Variants in TIMD4 observed in about 807,000 individuals in gnomAD.
TIMD4 encodes the protein T cell immunoglobulin and mucin domain containing 4.
In TIMD4, 31 loss-of-function variants were observed where a neutral mutation model predicts 41.2. The observed-to-expected ratio is 0.75, with a 90% CI of 0.57 to 1.01. TIMD4 has a LOEUF of 1.01. Ranked by LOEUF, TIMD4 falls within the 50% of genes least tolerant of loss-of-function variation. The probability of loss-of-function intolerance (pLI) is 0.00; values close to 1 mark genes in which losing one functional copy is unlikely to be tolerated. For synonymous variants in TIMD4, 204 were observed against 177.1 expected, an observed-to-expected ratio of 1.15 and a Z score of -1.21; for missense variants, 479 against 472.5, an observed-to-expected ratio of 1.01 and a Z score of -0.13.
At chr5:156,923,097 T>C (rs958969575) in intron 6 of TIMD4, among the ~76,000 whole-genome samples, 3 of 151,916 alleles carry the variant, frequency 2.0e-5, no homozygotes, top group African/African-American at 7.3e-5. Flanking sequence ...GGTGTCTCGC[T>C]ATGTTGCCCA....
chr5:156,951,941 C>A (rs1048839672), intron 2 of TIMD4, 151 bp from the exon 3 acceptor site: 1 of 1,036,682 alleles, frequency 9.6e-7, no homozygotes, highest in Non-Finnish European at 1.4e-6. Flanking sequence ...GTGTTTCCTG[C>A]CCCCACCCTG....
At chr5:156,950,297 T>C (rs1293486595) in intron 3 of TIMD4, among the ~76,000 whole-genome samples, 1 of 152,200 alleles carries the variant, frequency 6.6e-6, no homozygotes, top group Non-Finnish European at 1.5e-5. Flanking sequence ...TGCTTCTTTA[T>C]ATATTTCAAG....
intron 7 of TIMD4, 97 bp downstream of exon 7, chr5:156,922,002 G>C (rs1455144455): frequency 1.1e-6 from 1 of 890,370 alleles, no homozygotes; most frequent in Admixed American, 2.8e-5. Context: ...GAGCCTCTTT[G>C]GGGAGGGATA....
chr5:156,962,725 G>A (rs182709677), intron 1 of TIMD4, among the ~76,000 whole-genome samples: 53 of 152,086 alleles, frequency 3.5e-4, no homozygotes, highest in Admixed American at 1.0e-3. Context: ...CCTCACCCCA[G>A]CAAAACAAAA....
At chr5:156,935,948 T>A (rs1004230247) in intron 5 of TIMD4, among the ~76,000 whole-genome samples, 2 of 152,150 alleles carry the variant, frequency 1.3e-5, no homozygotes, top group Non-Finnish European at 1.5e-5. Context: ...GATCAATAAA[T>A]CTTCAATGAG....
At chr5:156,939,766 T>C (rs1759605564) in intron 5 of TIMD4, among the ~76,000 whole-genome samples, 1 of 152,234 alleles carries the variant, frequency 6.6e-6, no homozygotes, top group East Asian at 1.9e-4. Flanking sequence ...GCTAAATGGC[T>C]GTTACTCCGT....
At chr5:156,931,461 A>G (rs369940221) in intron 5 of TIMD4, among the ~76,000 whole-genome samples, 2 of 152,226 alleles carry the variant, frequency 1.3e-5, no homozygotes, top group African/African-American at 4.8e-5. Flanking sequence ...ATGTATCTTA[A>G]ATTAATTAAA....
At chr5:156,944,743 G>C (rs1345077892) in intron 5 of TIMD4, among the ~76,000 whole-genome samples, 1 of 152,034 alleles carries the variant, frequency 6.6e-6, no homozygotes, top group Non-Finnish European at 1.5e-5. Flanking sequence ...CTGATTTCGT[G>C]ATCCGCCCAC....
At chr5:156,921,996 C>T (rs1345708337) in intron 7 of TIMD4, 103 bp downstream of exon 7, 5 of 833,858 alleles carry the variant, frequency 6.0e-6, no homozygotes, top group African/African-American at 5.2e-5. Flanking sequence ...AGAACTGAGC[C>T]TCTTTGGGGA....
chr5:156,925,009 A>G (rs1041671745), intron 6 of TIMD4, among the ~76,000 whole-genome samples: 2 of 150,884 alleles, frequency 1.3e-5, no homozygotes, highest in Non-Finnish European at 2.9e-5. Flanking sequence ...AGAAAAAGAG[A>G]GAGAGAGAGA....
intron 1 of TIMD4, 73 bp downstream of exon 1, chr5:156,963,068 C>T (rs1753102907): frequency 1.4e-6 from 2 of 1,473,618 alleles, no homozygotes; most frequent in Non-Finnish European, 1.9e-6. Context: ...AGGCCCAAAC[C>T]AGTGCATGGA....
intron 5 of TIMD4, among the ~76,000 whole-genome samples, chr5:156,932,292 C>T (rs2113353299): frequency 6.6e-6 from 1 of 152,306 alleles, no homozygotes; most frequent in South Asian, 2.1e-4. Flanking sequence ...CTCCACGATG[C>T]TTGAGGCAAG....
intron 1 of TIMD4, among the ~76,000 whole-genome samples, chr5:156,956,764 T>C (rs1034359412): frequency 2.6e-5 from 4 of 152,244 alleles, no homozygotes; most frequent in Non-Finnish European, 5.9e-5. Flanking sequence ...TCTCAGATTG[T>C]TGAGACCACA....
intron 5 of TIMD4, among the ~76,000 whole-genome samples, chr5:156,932,259 TATC>T: frequency 6.6e-6 from 1 of 152,350 alleles, no homozygotes; most frequent in East Asian, 1.9e-4. Context: ...ATATTATTTG[TATC>T]ATGTGTTCAT....
intron 5 of TIMD4, among the ~76,000 whole-genome samples, chr5:156,945,772 C>T (rs1157202179): frequency 6.6e-6 from 1 of 151,820 alleles, no homozygotes. Flanking sequence ...TAAAATGATA[C>T]CTAAAGAGTG....
chr5:156,962,330 G>C (rs1394617056), intron 1 of TIMD4, among the ~76,000 whole-genome samples: 5 of 151,648 alleles, frequency 3.3e-5, no homozygotes, highest in African/African-American at 9.7e-5. Flanking sequence ...ACCCTGATTC[G>C]ATCATTGTAC....
chr5:156,921,046 A>G (rs1030918717), intron 7 of TIMD4, among the ~76,000 whole-genome samples: 2 of 140,874 alleles, frequency 1.4e-5, no homozygotes. Context: ...CAACAGTACC[A>G]GGTGCCACGT....
rs1287717116 is a variant in TIMD4 at position 156,951,760 on chromosome 5, G to T, written c.431C>A (p.Thr144Asn). 1 of 1,614,122 alleles carries T rather than the reference G, an allele frequency of 6.2e-7. No individual in the cohort carries two copies. The highest frequency in any genetic ancestry group is 2.2e-5 in the East Asian group (1 of 44,888). ...ASTTTHRTATTTTRRTTTTSP... is the reference protein window; with the variant it reads ...ASTTTHRTATNTTRRTTTTSP... ...TGTTGTTGTTGTTCTGCGTGTGGTGGTGGTTGCTGTTCTGTGCGTGGTTGT... is the reference window on the plus strand; with the variant it reads ...TGTTGTTGTTGTTCTGCGTGTGGTGTTGGTTGCTGTTCTGTGCGTGGTTGT... The change falls in exon 3 of 9, where the codon ACC (threonine) becomes AAC (asparagine). Residue 144 changes from threonine to asparagine, a missense_variant. Coordinates refer to ENST00000274532, the MANE Select transcript of TIMD4 (RefSeq NM_138379.3).
At chr5:156,949,141 G>A (rs945739731) in intron 4 of TIMD4, among the ~76,000 whole-genome samples, 27 of 152,152 alleles carry the variant, frequency 1.8e-4, no homozygotes, top group African/African-American at 5.3e-4. Flanking sequence ...GGTATACCCC[G>A]TCCCAGGCCC....
Sources: allele counts gnomAD v4.1 joint callset (sites outside exome capture counted in the v4.1 genomes callset), GRCh38; gene constraint gnomAD v4.1.1; transcripts MANE v1.5; gene names NCBI Gene and HGNC (gene_info 2026-07-23, HGNC 2026-07-21).